EYA1: variants seen among roughly 807,000 people sequenced by gnomAD.
EYA1 encodes the protein EYA transcriptional coactivator and phosphatase 1.
A neutral mutation model predicts 82.0 loss-of-function variants in EYA1; 16 were observed. The observed-to-expected ratio is 0.20, with a 90% CI of 0.13 to 0.30. The LOEUF (loss-of-function observed/expected upper bound fraction) is 0.30. Ranked by LOEUF, EYA1 falls within the 10% of genes least tolerant of loss-of-function variation. The pLI is 1.00. For synonymous variants in EYA1, 261 were observed against 264.4 expected, an observed-to-expected ratio of 0.99 and a Z score of 0.12; for missense variants, 633 against 730.7, an observed-to-expected ratio of 0.87 and a Z score of 1.54.
chr8:71,452,574 C>T (rs577085527), intron 2 of EYA1, among the ~76,000 whole-genome samples: 141 of 152,298 alleles, frequency 9.3e-4, no homozygotes, highest in African/African-American at 3.3e-3. Context: ...GATGAAGCTT[C>T]CAGAGGAACG....
chr8:71,454,674 G>A (rs1426866513), intron 2 of EYA1, among the ~76,000 whole-genome samples: 1 of 152,198 alleles, frequency 6.6e-6, no homozygotes, highest in African/African-American at 2.4e-5. Flanking sequence ...TGACTACTGG[G>A]TACATACTGA....
At chr8:71,388,295 C>T (rs1829076750) in intron 2 of EYA1, among the ~76,000 whole-genome samples, 1 of 152,108 alleles carries the variant, frequency 6.6e-6, no homozygotes, top group Non-Finnish European at 1.5e-5. Flanking sequence ...AATATGAAGG[C>T]CACTGATAAT....
intron 2 of EYA1, among the ~76,000 whole-genome samples, chr8:71,511,381 C>G (rs1412898320): frequency 6.6e-6 from 1 of 152,174 alleles, no homozygotes; most frequent in African/African-American, 2.4e-5. Flanking sequence ...TCAGCTGTTA[C>G]TTGGCAATGA....
rs201301777 is a variant in EYA1, at chr8:71,320,734, G to A, written c.418+1000C>T. Among the ~76,000 whole-genome samples the A allele has an allele frequency of 2.6e-4, 39 of 151,994 alleles. No homozygotes were observed. In the East Asian group the frequency reaches 7.0e-3, roughly 27 times the overall value. ...GATTTTGTTTGAGATAGAATTAAAA[G>A]GAATAAAGTAATTTACCTTCTAATT... On this transcript the variant is annotated intron_variant, in intron 6 of 17. Transcript: ENST00000340726.
chr8:71,262,415 C>T (rs1185479383), intron 11 of EYA1, among the ~76,000 whole-genome samples: 1 of 152,190 alleles, frequency 6.6e-6, no homozygotes, highest in African/African-American at 2.4e-5. Flanking sequence ...TTTCCTGCTT[C>T]CTCCTCTGAA....
chr8:71,225,417 C>A, intron 12 of EYA1: 1 of 403,906 alleles, frequency 2.5e-6, no homozygotes. Flanking sequence ...CCCTGGCCTT[C>A]ACACCATGAT....
intron 2 of EYA1, among the ~76,000 whole-genome samples, chr8:71,424,774 C>T (rs1199363361): frequency 6.6e-6 from 1 of 152,082 alleles, no homozygotes; most frequent in Non-Finnish European, 1.5e-5. Context: ...CTGTTCTCAT[C>T]CTGGCCTGCT....
At chr8:71,296,741 A>T (rs12679082) in intron 9 of EYA1, among the ~76,000 whole-genome samples, 83,614 of 151,750 alleles carry the variant, frequency 0.55, 23,498 homozygotes, top group East Asian at 0.83. Context: ...TCATTTCTAA[A>T]TATTTAGTTT....
At chr8:71,454,112 G>T (rs1292646309) in intron 2 of EYA1, among the ~76,000 whole-genome samples, 3 of 152,016 alleles carry the variant, frequency 2.0e-5, no homozygotes, top group Non-Finnish European at 4.4e-5. Context: ...AAAAGCAGGG[G>T]TTACAATCCT....
intron 3 of EYA1, among the ~76,000 whole-genome samples, chr8:71,348,754 C>G (rs973753843): frequency 3.9e-5 from 6 of 152,204 alleles, no homozygotes; most frequent in African/African-American, 1.4e-4. Flanking sequence ...GGACTCCTTG[C>G]TGATCCTAGA....
At chr8:71,529,677 C>G (rs139408010) in intron 2 of EYA1, 1 of 152,158 alleles carries the variant, frequency 6.6e-6, no homozygotes, top group Non-Finnish European at 1.5e-5. Flanking sequence ...CATCCAGGAC[C>G]GGTCAGAGGT....
chr8:71,254,861 C>T (rs1214958141), intron 11 of EYA1, among the ~76,000 whole-genome samples: 2 of 144,036 alleles, frequency 1.4e-5, no homozygotes, highest in African/African-American at 5.2e-5. Flanking sequence ...ACCACACACA[C>T]AGAGTCTGTT....
chr8:71,485,331 A>G (rs1436532045), intron 2 of EYA1, among the ~76,000 whole-genome samples: 1 of 152,220 alleles, frequency 6.6e-6, no homozygotes, highest in East Asian at 1.9e-4. Flanking sequence ...ATATTTTGAG[A>G]CATATGTCTT....
chr8:71,253,937 A>T (rs1416746379), intron 11 of EYA1, among the ~76,000 whole-genome samples: 2 of 152,158 alleles, frequency 1.3e-5, no homozygotes, highest in East Asian at 3.8e-4. Flanking sequence ...TCATCTCAAA[A>T]CTTCACCTCA....
chr8:71,280,580 T>G (rs1404943617), intron 9 of EYA1, among the ~76,000 whole-genome samples: 1 of 152,210 alleles, frequency 6.6e-6, no homozygotes, highest in Non-Finnish European at 1.5e-5. Flanking sequence ...ATTCTTAAAA[T>G]GTCTAAAGCA....
At chr8:71,273,485 A>C (rs567530306) in intron 9 of EYA1, among the ~76,000 whole-genome samples, 1 of 152,366 alleles carries the variant, frequency 6.6e-6, no homozygotes, top group South Asian at 2.1e-4. Flanking sequence ...AGATGTTCCA[A>C]ACTGAGCATC....
intron 3 of EYA1, among the ~76,000 whole-genome samples, chr8:71,351,314 G>A (rs1826283463): frequency 6.6e-6 from 1 of 152,144 alleles, no homozygotes; most frequent in Non-Finnish European, 1.5e-5. Flanking sequence ...TTGTTTAATA[G>A]TAACAAAAAT....
At chr8:71,512,185 A>G (rs955494368) in intron 2 of EYA1, among the ~76,000 whole-genome samples, 1 of 152,186 alleles carries the variant, frequency 6.6e-6, no homozygotes, top group African/African-American at 2.4e-5. Context: ...AGAAGTAATC[A>G]CTAGCTTCTC....
chr8:71,215,253 T>C (rs946143202), intron 16 of EYA1, 134 bp downstream of exon 16: 1 of 857,962 alleles, frequency 1.2e-6, no homozygotes, highest in Non-Finnish European at 1.8e-6. Flanking sequence ...GTTTTGCAAA[T>C]TGGTTAAATT....
Sources: allele counts gnomAD v4.1 joint callset (sites outside exome capture counted in the v4.1 genomes callset), GRCh38; gene constraint gnomAD v4.1.1; transcripts MANE v1.5; gene names NCBI Gene and HGNC (gene_info 2026-07-23, HGNC 2026-07-21).